Variants in CNBD1 observed in about 807,000 individuals in gnomAD.
CNBD1 encodes cyclic nucleotide-binding domain-containing protein 1.
A neutral mutation model predicts 54.4 loss-of-function variants in CNBD1; 71 were observed. The ratio of observed to expected loss-of-function variants is 1.30; its 90% CI spans 1.08 to 1.59. CNBD1 has a LOEUF of 1.59. Ranked by LOEUF, CNBD1 falls within the 40% of genes most tolerant of loss-of-function variation. CNBD1 has a pLI of 0.00. For synonymous variants in CNBD1, 182 were observed against 170.7 expected (o/e 1.07, Z -0.51); for missense variants, 659 against 518.0 (o/e 1.27, Z -2.64).
intron 4 of CNBD1, among the ~76,000 whole-genome samples, chr8:87,088,369 G>A (rs1353544349): frequency 6.6e-6 from 1 of 152,102 alleles, no homozygotes; most frequent in Non-Finnish European, 1.5e-5. Flanking sequence ...TGTGATTGAG[G>A]AAAATAGGAT....
chr8:87,330,095 A>G (rs565001751), intron 8 of CNBD1, among the ~76,000 whole-genome samples: 1 of 152,010 alleles, frequency 6.6e-6, no homozygotes, highest in African/African-American at 2.4e-5. Flanking sequence ...CTTTTAATCT[A>G]GTTTTTAATC....
At chr8:87,231,711 A>T (rs1479038921) in intron 5 of CNBD1, among the ~76,000 whole-genome samples, 2 of 152,060 alleles carry the variant, frequency 1.3e-5, no homozygotes, top group African/African-American at 4.8e-5. Context: ...AGGATATTTC[A>T]CCCCTAAACA....
At chr8:87,165,513 G>T (rs1333013419) in intron 4 of CNBD1, among the ~76,000 whole-genome samples, 2 of 151,906 alleles carry the variant, frequency 1.3e-5, no homozygotes. Flanking sequence ...GACCTTGTTT[G>T]TCTCTTGTGA....
At chr8:86,910,536 G>A (rs1809085674) in intron 3 of CNBD1, among the ~76,000 whole-genome samples, 6 of 152,202 alleles carry the variant, frequency 3.9e-5, no homozygotes, top group Admixed American at 3.3e-4. Flanking sequence ...TGTAAACAAT[G>A]AGTGCTTTCC....
At chr8:87,278,960 A>G (rs1465911528) in intron 6 of CNBD1, among the ~76,000 whole-genome samples, 1 of 151,468 alleles carries the variant, frequency 6.6e-6, no homozygotes, top group East Asian at 1.9e-4. Context: ...CAGTTTCAGT[A>G]ACCTGAGGTC....
chr8:87,426,510 C>A (rs1397347060), intron 2 of CNBD1, among the ~76,000 whole-genome samples: 1 of 152,174 alleles, frequency 6.6e-6, no homozygotes, highest in Non-Finnish European at 1.5e-5. Flanking sequence ...CTGTGTTGTG[C>A]TTTATGTCAA....
chr8:87,273,788 A>G (rs1181048268), intron 6 of CNBD1, among the ~76,000 whole-genome samples: 1 of 151,972 alleles, frequency 6.6e-6, no homozygotes, highest in African/African-American at 2.4e-5. Context: ...TTAAATTATT[A>G]TACTTTAAGT....
intron 4 of CNBD1, among the ~76,000 whole-genome samples, chr8:87,191,222 C>T (rs1813603283): frequency 6.6e-6 from 1 of 151,946 alleles, no homozygotes; most frequent in Admixed American, 6.6e-5. Context: ...GTCCCAGAGT[C>T]CAAAGGCCAA....
At chr8:87,272,537 T>C (rs1026945008) in intron 6 of CNBD1, among the ~76,000 whole-genome samples, 18 of 152,096 alleles carry the variant, frequency 1.2e-4, no homozygotes, top group African/African-American at 3.9e-4. Context: ...GGAGAAATGT[T>C]TTCCTTTGAA....
chr8:87,125,469 A>G lies in CNBD1; in HGVS notation c.432-80524A>G, dbSNP rs113567122. 8.6e-5 allele frequency among the ~76,000 whole-genome samples: 13 copies of G among 151,892 alleles called. 1 individual carries two copies. Among genetic ancestry groups the G allele is most frequent in the African/African-American group, 2.9e-4 (12 of 41,520 alleles). On this transcript the variant is annotated intron_variant, in intron 4 of 10. Coordinates refer to ENST00000518476, the MANE Select transcript of CNBD1 (RefSeq NM_173538.3). ...AAAACAGTATCCAAAACCCATAAATATGCCCATGCATTTATAGTCAAAATA... is the reference window on the plus strand; with the variant it reads ...AAAACAGTATCCAAAACCCATAAATGTGCCCATGCATTTATAGTCAAAATA...
chr8:87,424,466 G>C (rs1808006965), intron 2 of CNBD1, among the ~76,000 whole-genome samples: 1 of 152,112 alleles, frequency 6.6e-6, no homozygotes. Context: ...AGAGATTCTG[G>C]TATGTTGTGT....
intron 8 of CNBD1, among the ~76,000 whole-genome samples, chr8:87,321,250 T>C (rs1809521273): frequency 6.6e-6 from 1 of 152,192 alleles, no homozygotes; most frequent in African/African-American, 2.4e-5. Flanking sequence ...TGAAGAATCT[T>C]CATACTGTTT....
intron 3 of CNBD1, among the ~76,000 whole-genome samples, chr8:86,935,257 C>T (rs796657604): frequency 5.9e-5 from 9 of 151,902 alleles, no homozygotes; most frequent in African/African-American, 1.9e-4. Context: ...AGGATGGTCT[C>T]GATCTCCTGA....
intron 8 of CNBD1, among the ~76,000 whole-genome samples, chr8:87,333,990 T>C (rs370828164): frequency 6.6e-6 from 1 of 152,162 alleles, no homozygotes; most frequent in East Asian, 1.9e-4. Flanking sequence ...TGTTAATCCA[T>C]CTGGTCCTGG....
At chr8:87,200,080 A>G (rs1174567812) in intron 4 of CNBD1, among the ~76,000 whole-genome samples, 2 of 152,186 alleles carry the variant, frequency 1.3e-5, no homozygotes, top group African/African-American at 2.4e-5. Context: ...TAAAAACAAT[A>G]CAAAATGTGA....
In CNBD1 at chr8:86,956,391, G is replaced by C. The variant is rs1025818510; in HGVS notation, c.431+16637G>C. On this transcript the variant is annotated intron_variant, in intron 4 of 10. Transcript: ENST00000518476. ...AGAAAGTCATTGGTAGCTTGATGGG[G>C]ATGGCATTGAATCTATAAATTACCT... Among the ~76,000 whole-genome samples the C allele has an allele frequency of 2.0e-5, 3 of 152,230 alleles. No individual in the cohort carries two copies. In the South Asian group the frequency reaches 6.2e-4, roughly 32 times the overall value.
chr8:86,907,690 C>CAA (rs112383415), intron 3 of CNBD1, among the ~76,000 whole-genome samples: 2 of 148,326 alleles, frequency 1.3e-5, no homozygotes, highest in African/African-American at 5.0e-5. Flanking sequence ...AACAAAAAAA[C>CAA]AAAAAAAAAC....
chr8:87,286,769 A>G, intron 8 of CNBD1, 98 bp downstream of exon 8: 2 of 797,670 alleles, frequency 2.5e-6, no homozygotes, highest in Middle Eastern at 3.7e-4. Flanking sequence ...ATATTTCTTC[A>G]TATAAATATT....
At chr8:87,419,548 A>T (rs1391062892) in intron 2 of CNBD1, among the ~76,000 whole-genome samples, 3 of 151,926 alleles carry the variant, frequency 2.0e-5, no homozygotes, top group Non-Finnish European at 4.4e-5. Context: ...ATTTCAAAAA[A>T]TTTCAAAAGA....
Sources: allele counts gnomAD v4.1 joint callset (sites outside exome capture counted in the v4.1 genomes callset), GRCh38; gene constraint gnomAD v4.1.1; transcripts MANE v1.5; gene names NCBI Gene and HGNC (gene_info 2026-07-23, HGNC 2026-07-21).